ERG: variants seen among roughly 807,000 people sequenced by gnomAD.
ERG encodes the protein transcriptional regulator ERG.
ERG carries 9 observed loss-of-function variants against 55.3 expected under a neutral mutation model. That is an observed-to-expected ratio of 0.16 (90% confidence interval 0.10 to 0.28). The LOEUF is 0.28. Among genes scored for constraint, ERG ranks in the 10% least tolerant of loss-of-function variants. The pLI, the probability that ERG is intolerant of heterozygous loss-of-function variation, is 1.00. For synonymous variants in ERG, 223 were observed against 237.3 expected, an observed-to-expected ratio of 0.94 and a Z score of 0.55; for missense variants, 434 against 631.6, an observed-to-expected ratio of 0.69 and a Z score of 3.35.
At chr21:38,495,066 C>T (rs559281741) in intron 1 of ERG, among the ~76,000 whole-genome samples, 12 of 152,318 alleles carry the variant, frequency 7.9e-5, no homozygotes, top group East Asian at 7.7e-4. Context: ...CAAGGACTGA[C>T]GCAATTCGTA....
chr21:38,623,451 C>A (rs979638484), intron 1 of ERG, among the ~76,000 whole-genome samples: 1 of 152,170 alleles, frequency 6.6e-6, no homozygotes, highest in African/African-American at 2.4e-5. Context: ...AAACATGGAG[C>A]AGACTGGCCA....
chr21:38,468,802 G>A (rs2059112606), intron 1 of ERG, among the ~76,000 whole-genome samples: 1 of 151,842 alleles, frequency 6.6e-6, no homozygotes, highest in African/African-American at 2.4e-5. Context: ...TGGCTAACAC[G>A]GTGAAACCCT....
chr21:38,619,534 G>T (rs983404113), intron 1 of ERG, among the ~76,000 whole-genome samples: 2 of 152,170 alleles, frequency 1.3e-5, no homozygotes, highest in Admixed American at 1.3e-4. Flanking sequence ...TGGCACAGGA[G>T]ATCTAGCAAT....
In ERG at chr21:38,637,683, TTCC is replaced by T. The variant is rs576863021; in HGVS notation, c.-150+23972_-150+23974del. 6.4e-4 allele frequency among the ~76,000 whole-genome samples: 97 copies of T among 152,314 alleles called. No individual in the cohort carries two copies. The Middle Eastern group carries it at 0.01, about 16-fold the overall frequency. On this transcript the variant is annotated intron_variant, in intron 1 of 10. Transcript: ENST00000398910. ...TAATAATAAAAGACTTTAAAATAAT[TTCC>T]TCGTTTTTAACTTACTGTAATATCA...
intron 9 of ERG, among the ~76,000 whole-genome samples, chr21:38,385,060 CAA>C (rs1310466469): frequency 1.3e-5 from 2 of 152,154 alleles, no homozygotes; most frequent in African/African-American, 4.8e-5. Context: ...GCTGGGTGGA[CAA>C]AGTCAGAATT....
chr21:38,398,968 G>T lies in ERG; in HGVS notation c.745+1606C>A, dbSNP rs150647600. On this transcript the variant is annotated intron_variant, in intron 6 of 9. Transcript: ENST00000288319. ...ACCCTAGCCAAATGTTTTGGAAATA[G>T]TTTTTATTTTTTTAGTTTATATGGA... is the stretch of plus-strand genomic sequence containing the variant. Among the ~76,000 whole-genome samples the T allele has an allele frequency of 5.5e-3, 837 of 152,310 alleles. 5 individuals carry two copies. Among genetic ancestry groups the T allele is most frequent in the Non-Finnish European group, 8.9e-3 (606 of 68,028 alleles).
At chr21:38,603,571 G>A (rs562757971) in intron 1 of ERG, among the ~76,000 whole-genome samples, 2 of 151,990 alleles carry the variant, frequency 1.3e-5, no homozygotes, top group Admixed American at 1.3e-4. Context: ...TGGCGAATCT[G>A]GGGCCCATCA....
chr21:38,509,649 C>G (rs1318660343), intron 2 of ERG, among the ~76,000 whole-genome samples: 1 of 152,158 alleles, frequency 6.6e-6, no homozygotes, highest in Non-Finnish European at 1.5e-5. Context: ...CTCCTCCATG[C>G]TGTTGGCACC....
intron 6 of ERG, 97 bp downstream of exon 6, chr21:38,400,477 A>G (rs1242610051): frequency 2.1e-6 from 2 of 964,668 alleles, no homozygotes; most frequent in Middle Eastern, 2.1e-4. Flanking sequence ...CAGCTCCGGG[A>G]TCAGCTCTCT....
At chr21:38,583,245 TGG>T (rs2060041030) in intron 1 of ERG, among the ~76,000 whole-genome samples, 1 of 152,162 alleles carries the variant, frequency 6.6e-6, no homozygotes, top group Non-Finnish European at 1.5e-5. Flanking sequence ...GGCCCCTGAC[TGG>T]GGCAGAGGCC....
At chr21:38,567,800 C>T (rs1283858725) in intron 2 of ERG, among the ~76,000 whole-genome samples, 2 of 152,222 alleles carry the variant, frequency 1.3e-5, no homozygotes, top group African/African-American at 4.8e-5. Context: ...CTAATCCCTT[C>T]CTCGCAAGGC....
rs780353727 is a variant in ERG, at chr21:38,445,393, A to C, written c.236+11T>G. 7 of 1,606,590 alleles carry C rather than the reference A, an allele frequency of 4.4e-6. No individual in the cohort carries two copies. Among genetic ancestry groups the C allele is most frequent in the Non-Finnish European group, 6.0e-6 (7 of 1,173,530 alleles). Reference sequence around the variant, plus strand: ...GAGGTCAGGGAGAGAAAGGGGCGGAAGTCTCCTTACCTTGAGCCATTCACC... The same window carrying C: ...GAGGTCAGGGAGAGAAAGGGGCGGACGTCTCCTTACCTTGAGCCATTCACC... On this transcript the variant is annotated intron_variant, in intron 2 of 9. Transcript: ENST00000288319.
chr21:38,556,796 C>A (rs751872154), intron 2 of ERG, among the ~76,000 whole-genome samples: 11 of 152,204 alleles, frequency 7.2e-5, no homozygotes, highest in Non-Finnish European at 1.0e-4. Context: ...CAGAGAGCTA[C>A]TGAGGAGACC....
At chr21:38,375,709 G>T (rs1224147339), downstream of ERG, among the ~76,000 whole-genome samples, 2 of 152,150 alleles carry the variant, frequency 1.3e-5, no homozygotes, top group African/African-American at 4.8e-5. Flanking sequence ...GAAGCTGAAC[G>T]TTCTATAGCC....
chr21:38,561,169 GAT>G (rs1359516601), intron 2 of ERG, among the ~76,000 whole-genome samples: 1 of 152,028 alleles, frequency 6.6e-6, no homozygotes, highest in African/African-American at 2.4e-5. Context: ...CCTTTTATTG[GAT>G]ATATGTTAGT....
At position 38,460,828 on chromosome 21, in the gene ERG, C is replaced by T. The variant is rs1427807838; in HGVS notation, c.19-15207G>A. The stretch of plus-strand genomic sequence containing the variant: ...GTGTGAGGCTGTAGGTTTTAACGAG[C>T]TCTGAATGGCAAATGGCAGACAATG... On this transcript the variant is annotated intron_variant, in intron 1 of 9. Coordinates refer to ENST00000288319, the MANE Select transcript of ERG (RefSeq NM_182918.4). This position sits in a 1 kb window ranked among gnomAD's most constrained non-coding sequence, Gnocchi z 5.0. Among the ~76,000 whole-genome samples the T allele has an allele frequency of 6.6e-6, 1 of 152,206 alleles. No homozygotes were observed. Among genetic ancestry groups the T allele is most frequent in the Non-Finnish European group, 1.5e-5 (1 of 68,038 alleles).
At chr21:38,546,969 G>A (rs181293798) in intron 2 of ERG, among the ~76,000 whole-genome samples, 2 of 152,296 alleles carry the variant, frequency 1.3e-5, no homozygotes, top group African/African-American at 2.4e-5. Flanking sequence ...TTGTGGGTGG[G>A]TGTATGAAGT....
At chr21:38,397,814 T>C (rs2146443228) in intron 6 of ERG, among the ~76,000 whole-genome samples, 1 of 152,186 alleles carries the variant, frequency 6.6e-6, no homozygotes, top group South Asian at 2.1e-4. Context: ...CAGTAAACCC[T>C]GAACACCACT....
chr21:38,650,369 G>GGATTA lies in ERG; in HGVS notation c.-150+11288_-150+11289insTAATC, dbSNP rs562888907. Among the ~76,000 whole-genome samples, 22 of 152,288 alleles carry GGATTA rather than the reference G, an allele frequency of 1.4e-4. No individual in the cohort carries two copies. In the East Asian group the frequency reaches 4.1e-3, roughly 28 times the overall value. ...AGAGTAGCATAGGCTGGGCACGGTGGCTCAGCCTGTAATCCCAACACTTTG... is the reference window on the plus strand; with the variant it reads ...AGAGTAGCATAGGCTGGGCACGGTGGGATTACTCAGCCTGTAATCCCAACACTTTG... On this transcript the variant is annotated intron_variant, in intron 1 of 10. Coordinates refer to the ERG transcript ENST00000398910.
Sources: allele counts gnomAD v4.1 joint callset (sites outside exome capture counted in the v4.1 genomes callset), GRCh38; gene constraint gnomAD v4.1.1; non-coding constraint Gnocchi (gnomAD v3.1); transcripts MANE v1.5; gene names NCBI Gene and HGNC (gene_info 2026-07-23, HGNC 2026-07-21).